Variants in ABHD12 observed in about 807,000 individuals in gnomAD.
ABHD12 encodes the protein abhydrolase domain containing 12, lysophospholipase.
ABHD12 carries 43 observed loss-of-function variants against 58.3 expected under a neutral mutation model. The observed-to-expected ratio is 0.74, with a 90% CI of 0.58 to 0.95. The LOEUF is 0.95. ABHD12 is among the 40% of genes least tolerant of loss of function. ABHD12 has a pLI of 0.00. For missense variants in ABHD12, 539 were observed against 537.2 expected (o/e 1.00, Z -0.03); for synonymous variants, 219 against 211.2 (o/e 1.04, Z -0.32).
rs778098121 is a variant in ABHD12 at position 25,302,226 on chromosome 20, T to C, written c.1150A>G (p.Ile384Val). The C allele has an allele frequency of 9.3e-6, 15 of 1,613,230 alleles. No individual in the cohort carries two copies. The highest frequency in any genetic ancestry group is 1.2e-5 in the Non-Finnish European group (14 of 1,179,942). The change falls in exon 12 of 13, where the codon ATA (isoleucine) becomes GTA (valine). Residue 384 changes from isoleucine to valine, a missense_variant. Coordinates refer to ENST00000339157, the MANE Select transcript of ABHD12 (RefSeq NM_001042472.3). ...GGGAAGAGAATGTCTCACCTCAGTA[T>C]CCGTGGCAGCTCAGGGCTCTTGTAA... ...YIYKSPELPR[I>V]LREFLGKSEP...
At chr20:25,296,596 A>C (rs1600750492), downstream of ABHD12, 6 of 1,522,938 alleles carry the variant, frequency 3.9e-6, no homozygotes, top group Admixed American at 1.8e-5. Flanking sequence ...TTCCCCAAAC[A>C]CTTTGCCAGC....
chr20:25,387,590 T>TAAA (rs57449867), intron 1 of ABHD12, among the ~76,000 whole-genome samples: 1 of 113,042 alleles, frequency 8.8e-6, no homozygotes, highest in Non-Finnish European at 1.7e-5. Context: ...TCATCTCTAT[T>TAAA]AAAAAAAAAA....
intron 8 of ABHD12, 116 bp downstream of exon 8, chr20:25,308,341 C>A: frequency 7.3e-7 from 1 of 1,378,460 alleles, no homozygotes; most frequent in South Asian, 1.2e-5. Context: ...CCCCGGGCCC[C>A]CCAGAATGTG....
intron 1 of ABHD12, among the ~76,000 whole-genome samples, chr20:25,361,285 A>G (rs764930741): frequency 6.3e-4 from 96 of 152,360 alleles, no homozygotes; most frequent in Middle Eastern, 6.8e-3. Flanking sequence ...AAAAAGGAAC[A>G]GTATCTTTTC....
Position 25,300,509 on chromosome 20 carries a change from C to A in ABHD12, c.*336G>T. ...CATGGTCCCGAGCCCCAAGAGTCCC[C>A]TGCCCGGACTCCCCCTGTCCAGCTC... On this transcript the variant is annotated 3_prime_UTR_variant, in exon 13 of 13. Transcript: ENST00000339157. 1 of 1,309,952 alleles carries A rather than the reference C, an allele frequency of 7.6e-7. No homozygotes were observed. The highest frequency in any genetic ancestry group is 9.8e-7 in the Non-Finnish European group (1 of 1,022,200). 81.1% of individuals were successfully genotyped at this position (1,309,952 alleles called of 1,614,324 possible).
At chr20:25,374,238 G>C (rs900520475) in intron 1 of ABHD12, among the ~76,000 whole-genome samples, 1 of 152,042 alleles carries the variant, frequency 6.6e-6, no homozygotes, top group African/African-American at 2.4e-5. Context: ...CGGAGTACAG[G>C]TGTGTGCCAC....
chr20:25,338,652 C>A (rs1449482552), intron 2 of ABHD12, among the ~76,000 whole-genome samples: 1 of 152,112 alleles, frequency 6.6e-6, no homozygotes, highest in Admixed American at 6.6e-5. Context: ...ACCTACAAGG[C>A]CAGCACAAAA....
At chr20:25,353,906 G>A (rs1333852999) in intron 1 of ABHD12, among the ~76,000 whole-genome samples, 4 of 152,040 alleles carry the variant, frequency 2.6e-5, no homozygotes, top group Non-Finnish European at 4.4e-5. Context: ...GATCACTAAC[G>A]TGCCACCACC....
chr20:25,300,139 G>A (rs1281842557), downstream of ABHD12: 2 of 954,542 alleles, frequency 2.1e-6, no homozygotes, highest in Non-Finnish European at 2.5e-6. Flanking sequence ...AAAGCGGCTA[G>A]AGGCTAGGCT....
intron 2 of ABHD12, among the ~76,000 whole-genome samples, chr20:25,329,025 C>A (rs997765090): frequency 1.3e-5 from 2 of 152,214 alleles, no homozygotes; most frequent in South Asian, 4.1e-4. Context: ...TCACAGGATC[C>A]ACCCAGGGCC....
downstream of ABHD12, chr20:25,295,582 A>T (rs758477456): frequency 1.2e-6 from 2 of 1,611,260 alleles, no homozygotes; most frequent in South Asian, 2.2e-5. Flanking sequence ...GCCCTGGCCC[A>T]GCCTCCTTTC....
chr20:25,368,953 T>C (rs756925708), intron 1 of ABHD12, among the ~76,000 whole-genome samples: 69 of 152,090 alleles, frequency 4.5e-4, no homozygotes, highest in Non-Finnish European at 5.3e-4. Context: ...TTAGACCCTC[T>C]TTCTATCAAA....
downstream of ABHD12, chr20:25,297,459 G>C (rs1450177699): frequency 6.6e-6 from 1 of 152,396 alleles, no homozygotes; most frequent in East Asian, 1.9e-4. Context: ...ATTTCCTGTT[G>C]TACACACAAG....
intron 2 of ABHD12, among the ~76,000 whole-genome samples, chr20:25,332,400 G>C (rs1474166287): frequency 6.6e-6 from 1 of 151,958 alleles, no homozygotes; most frequent in Non-Finnish European, 1.5e-5. Flanking sequence ...AGATCAACGA[G>C]ACAGAAAGTC....
intron 1 of ABHD12, among the ~76,000 whole-genome samples, chr20:25,375,298 A>G (rs2089948809): frequency 6.6e-6 from 1 of 152,138 alleles, no homozygotes; most frequent in Non-Finnish European, 1.5e-5. Context: ...TCACAAACCC[A>G]TACACCTGGA....
chr20:25,298,366 A>G (rs1419668892), downstream of ABHD12, among the ~76,000 whole-genome samples: 1 of 152,088 alleles, frequency 6.6e-6, no homozygotes, highest in Admixed American at 6.5e-5. Flanking sequence ...CCTGGGTTCA[A>G]GCAATTCTCC....
rs548758809 is a variant in ABHD12, at chr20:25,336,049, A to G, written c.316+3178T>C. ...CCCTCCCTAGCCTCTGAACCAAGAC[A>G]TGACTTTCACTAAGAGATACCTTCT... On this transcript the variant is annotated intron_variant, in intron 2 of 12. Transcript: ENST00000339157. Among the ~76,000 whole-genome samples the G allele has an allele frequency of 9.7e-4, 147 of 152,308 alleles. 8 individuals carry two copies. In the South Asian group the frequency reaches 0.03, roughly 31 times the overall value.
intron 3 of ABHD12, among the ~76,000 whole-genome samples, chr20:25,322,381 A>ATATATATATATATATATATATATATTTT: frequency 3.4e-5 from 2 of 59,270 alleles, no homozygotes; most frequent in African/African-American, 8.3e-5. Context: ...ATATATATAT[A>ATATATATATATATATATATATATATTTT]TTTTTTTTTT....
intron 1 of ABHD12, among the ~76,000 whole-genome samples, chr20:25,382,577 G>C (rs771103429): frequency 3.9e-5 from 6 of 152,124 alleles, no homozygotes; most frequent in Non-Finnish European, 8.8e-5. Context: ...TTGCAGCAGC[G>C]GGAGTCTGAA....
Sources: gnomAD v4.1 joint callset for allele counts (sites outside exome capture counted in the v4.1 genomes callset) on GRCh38, gnomAD v4.1.1 for gene constraint, MANE v1.5 for transcripts, NCBI Gene and HGNC (gene_info 2026-07-23, HGNC 2026-07-21) for gene names.